Variants in GRAMD2B observed in about 807,000 individuals in gnomAD.
GRAMD2B encodes the protein GRAM domain containing 2B, also known as GRAM domain-containing protein 2B.
In GRAMD2B, 41 loss-of-function variants were observed where a neutral mutation model predicts 59.2. The observed-to-expected ratio is 0.69, with a 90% CI of 0.54 to 0.90. The LOEUF (loss-of-function observed/expected upper bound fraction) is 0.90. GRAMD2B is among the 40% of genes least tolerant of loss of function. GRAMD2B has a pLI of 0.00. For missense variants in GRAMD2B, 424 were observed against 500.5 expected, an observed-to-expected ratio of 0.85 and a Z score of 1.46; for synonymous variants, 161 against 182.7, an observed-to-expected ratio of 0.88 and a Z score of 0.96.
chr5:126,485,614 CA>C (rs1301117438), intron 10 of GRAMD2B, 71 bp from the exon 11 acceptor site: 27 of 859,592 alleles, frequency 3.1e-5, no homozygotes, highest in Non-Finnish European at 5.0e-5. Flanking sequence ...TCAAGTACCC[CA>C]TAGGGATATT....
intron 2 of GRAMD2B, among the ~76,000 whole-genome samples, chr5:126,466,615 A>G (rs554803267): frequency 6.6e-6 from 1 of 152,244 alleles, no homozygotes; most frequent in South Asian, 2.1e-4. Context: ...TAGCAGAGAC[A>G]GGGTTTCACC....
upstream of GRAMD2B, among the ~76,000 whole-genome samples, chr5:126,366,583 A>G (rs1323506946): frequency 6.6e-6 from 1 of 152,182 alleles, no homozygotes; most frequent in South Asian, 2.1e-4. Flanking sequence ...TTTGAGATAG[A>G]TATTATTGTT....
intron 1 of GRAMD2B, among the ~76,000 whole-genome samples, chr5:126,397,967 A>G (rs980557461): frequency 6.6e-6 from 1 of 150,742 alleles, no homozygotes; most frequent in Non-Finnish European, 1.5e-5. Context: ...AGTGTTCAGT[A>G]GAATTACCTA....
chr5:126,461,682 C>A (rs538131701), intron 1 of GRAMD2B, among the ~76,000 whole-genome samples: 98 of 152,252 alleles, frequency 6.4e-4, no homozygotes, highest in South Asian at 1.9e-3. Flanking sequence ...CACCTGTAAT[C>A]CCAGCTACAC....
intron 1 of GRAMD2B, among the ~76,000 whole-genome samples, chr5:126,413,755 C>A (rs1334720611): frequency 1.3e-5 from 2 of 152,044 alleles, no homozygotes; most frequent in Non-Finnish European, 2.9e-5. Flanking sequence ...CCTAGAAGTA[C>A]TTGTTTTATG....
chr5:126,465,858 C>T (rs897977776), intron 2 of GRAMD2B, among the ~76,000 whole-genome samples: 2 of 152,216 alleles, frequency 1.3e-5, no homozygotes, highest in South Asian at 2.1e-4. Flanking sequence ...TCTGCCCGGC[C>T]TTGGGTGTGC....
chr5:126,408,067 G>A (rs762209606), intron 1 of GRAMD2B, among the ~76,000 whole-genome samples: 7 of 151,944 alleles, frequency 4.6e-5, no homozygotes, highest in Non-Finnish European at 8.8e-5. Context: ...CCTGAGCATA[G>A]TCCCCAGAGG....
intron 8 of GRAMD2B, chr5:126,481,006 G>A (rs1771633719): frequency 2.5e-6 from 1 of 394,290 alleles, no homozygotes; most frequent in Non-Finnish European, 4.6e-6. Context: ...TGTCAATATT[G>A]GCTTAGAGGG....
chr5:126,375,374 G>GT (rs1010476382), intron 1 of GRAMD2B, among the ~76,000 whole-genome samples: 77 of 144,440 alleles, frequency 5.3e-4, no homozygotes, highest in African/African-American at 4.5e-4. Context: ...AAATCTTTTT[G>GT]TTTTTTTTTT....
chr5:126,488,709 AT>A (rs1156797249), intron 12 of GRAMD2B, 89 bp from the exon 13 acceptor site: 1 of 885,956 alleles, frequency 1.1e-6, no homozygotes, highest in Non-Finnish European at 1.8e-6. Flanking sequence ...TTATAAACCA[AT>A]TTTCTGTTCA....
rs1771730025 is a variant in GRAMD2B at position 126,481,211 on chromosome 5, GAAAGAAAGA to G, written c.735+507_735+515del. ...AACTGTAAAAAAAAAAAAAAAGAAA[GAAAGAAAGA>G]AAGAAAGAAAGAAAGAAAGAAAGAA... On this transcript the variant is annotated intron_variant, in intron 8 of 13. Transcript: ENST00000285689. Among the ~76,000 whole-genome samples the G allele has an allele frequency of 3.5e-4, 2 of 5,792 alleles. 1 individual carries two copies. Among genetic ancestry groups the G allele is most frequent in the Non-Finnish European group, 7.2e-4 (2 of 2,762 alleles). The allele number at this position is 5,792 out of a possible 152,430, so 3.8% of individuals were successfully genotyped here.
intron 13 of GRAMD2B, chr5:126,490,146 C>G (rs984158839): frequency 3.9e-5 from 6 of 152,036 alleles, no homozygotes; most frequent in Admixed American, 2.6e-4. Flanking sequence ...AGCTTTCTTC[C>G]TTTCTAAAAC....
intron 1 of GRAMD2B, among the ~76,000 whole-genome samples, chr5:126,425,707 A>C (rs1427872567): frequency 1.3e-5 from 2 of 152,222 alleles, no homozygotes; most frequent in Non-Finnish European, 2.9e-5. Flanking sequence ...TTGAGGCTAC[A>C]GTGAGCCATG....
chr5:126,423,487 G>T lies in GRAMD2B; in HGVS notation c.-120G>T, dbSNP rs1362507701. On this transcript the variant is annotated 5_prime_UTR_variant, in exon 1 of 14. Transcript: ENST00000285689. ...CCCGGCCTGGATGCGCTGGGCGGAG[G>T]GTGCAGGGGAGGGCACGGCGCCGCT... 3.4e-6 allele frequency: 5 copies of T among 1,464,454 alleles called. No homozygotes were observed. The highest frequency in any genetic ancestry group is 1.5e-5 in the African/African-American group (1 of 66,654). The allele number at this position is 1,464,454 out of a possible 1,614,324, so 90.7% of individuals were successfully genotyped here.
At chr5:126,485,135 TTGAGTC>T (rs1001133269) in intron 10 of GRAMD2B, among the ~76,000 whole-genome samples, 99 of 152,132 alleles carry the variant, frequency 6.5e-4, no homozygotes, top group African/African-American at 2.3e-3. Context: ...GGAGGATTGC[TTGAGTC>T]CAAGGAGTTC....
chr5:126,369,836 T>A (rs1232160473), upstream of GRAMD2B, among the ~76,000 whole-genome samples: 1 of 152,228 alleles, frequency 6.6e-6, no homozygotes, highest in African/African-American at 2.4e-5. Context: ...ACCATTAACA[T>A]CTGTGCCAGT....
At chr5:126,373,427 G>T (rs2149694025) in intron 1 of GRAMD2B, among the ~76,000 whole-genome samples, 1 of 152,278 alleles carries the variant, frequency 6.6e-6, no homozygotes, top group East Asian at 1.9e-4. Flanking sequence ...TGTACTTGCA[G>T]ATCAACAAGC....
chr5:126,473,243 G>C, intron 4 of GRAMD2B, 22 bp from the exon 5 acceptor site: 2 of 876,924 alleles, frequency 2.3e-6, no homozygotes, highest in Non-Finnish European at 3.4e-6. Flanking sequence ...AAATGATGCT[G>C]TGCCTGTGTA....
chr5:126,457,063 G>A (rs181578861), intron 1 of GRAMD2B, among the ~76,000 whole-genome samples: 19 of 151,988 alleles, frequency 1.3e-4, no homozygotes, highest in African/African-American at 4.3e-4. Flanking sequence ...ATGGTGGCAG[G>A]CGCCTGTAGT....
Sources: gnomAD v4.1 joint callset for allele counts (sites outside exome capture counted in the v4.1 genomes callset) on GRCh38, gnomAD v4.1.1 for gene constraint, MANE v1.5 for transcripts, NCBI Gene and HGNC (gene_info 2026-07-23, HGNC 2026-07-21) for gene names.